EIF3M: variants seen among roughly 807,000 people sequenced by gnomAD.
EIF3M encodes eukaryotic translation initiation factor 3 subunit M, also known as B5 receptor.
A neutral mutation model predicts 49.7 loss-of-function variants in EIF3M; 25 were observed. The ratio of observed to expected loss-of-function variants is 0.50; its 90% CI spans 0.37 to 0.70. The LOEUF (loss-of-function observed/expected upper bound fraction) is 0.70. EIF3M is among the 30% of genes least tolerant of loss of function. EIF3M has a pLI of 0.00. For synonymous variants in EIF3M, 156 were observed against 149.8 expected (o/e 1.04, Z -0.30); for missense variants, 350 against 440.0 (o/e 0.80, Z 1.83).
chr11:32,592,509 C>G, intron 5 of EIF3M: 1 of 525,488 alleles, frequency 1.9e-6, no homozygotes, highest in Non-Finnish European at 3.7e-6. Context: ...TCTCTAGAAA[C>G]AGCTGTCTTT....
rs1483055831 is a variant in EIF3M at position 32,600,790 on chromosome 11, C to A, written c.901C>A (p.Leu301Ile). ...TTCTTTTGACACAATGCAGCAAGAA[C>A]TTCAGATTGGAGCTGATGATGTTGA... ...EISFDTMQQE[L>I]QIGADDVEAF... Residue 301 changes from leucine to isoleucine, a missense_variant, in exon 9 of 11, where the codon CTT (leucine) becomes ATT (isoleucine). Physicochemically the swap from Leu to Ile is conservative, Grantham distance 5. Transcript: ENST00000531120. The A allele has an allele frequency of 1.2e-6, 2 of 1,610,966 alleles. No individual in the cohort carries two copies. The highest frequency in any genetic ancestry group is 2.2e-5 in the South Asian group (2 of 90,646).
chr11:32,601,747 AAC>A lies in EIF3M; in HGVS notation c.944-13_944-12del. 1 of 1,609,366 alleles carries A rather than the reference AAC, an allele frequency of 6.2e-7. No individual in the cohort carries two copies. Among genetic ancestry groups the A allele is most frequent in the Non-Finnish European group, 8.5e-7 (1 of 1,178,346 alleles). ...ATTTTCCATATAACATACGATATAA[AAC>A]ATCTTTTTTCAGCCGTAAGAACTAA... On this transcript the variant is annotated splice_polypyrimidine_tract_variant and intron_variant, in intron 9 of 10. Coordinates refer to ENST00000531120, the MANE Select transcript of EIF3M (RefSeq NM_006360.6).
rs1855348433 is a variant in EIF3M, at chr11:32,606,136, C to T, written c.*3737C>T. On this transcript the variant is annotated 3_prime_UTR_variant, in exon 11 of 11. Transcript: ENST00000531120. ...AAAACAAGAATGAAAAACATACCAT[C>T]TTTTCAAGTTACTTTGGACCCATAG... is the stretch of plus-strand genomic sequence containing the variant. 1 of 152,182 alleles carries T rather than the reference C, an allele frequency of 6.6e-6. No homozygotes were observed. The highest frequency in any genetic ancestry group is 2.1e-4 in the South Asian group (1 of 4,828). The allele number at this position is 152,182 out of a possible 1,614,324, so 9.4% of individuals were successfully genotyped here. A position where few individuals can be genotyped will look rare whatever the true frequency, so the allele number is the denominator to read the frequency against.
intron 5 of EIF3M, 86 bp from the exon 6 acceptor site, chr11:32,593,780 C>A: frequency 1.1e-6 from 1 of 887,176 alleles, no homozygotes; most frequent in Non-Finnish European, 1.6e-6. Context: ...ATAATGTCAT[C>A]AGCACAGTAC....
chr11:32,602,252 C>A (rs549328943), intron 10 of EIF3M, 27 bp from the exon 11 acceptor site: 46 of 1,601,964 alleles, frequency 2.9e-5, no homozygotes, highest in East Asian at 2.0e-4. Flanking sequence ...GGTTGACTAA[C>A]ACTGTGTTTA....
Position 32,583,860 on chromosome 11 carries a change from G to GA in EIF3M, c.-27dup. 1 of 1,610,878 alleles carries GA rather than the reference G, an allele frequency of 6.2e-7. No individual in the cohort carries two copies. Among genetic ancestry groups the GA allele is most frequent in the Non-Finnish European group, 8.5e-7 (1 of 1,177,984 alleles). ...TCCGGTCGGCGTGGTCTTGCGAGTG[G>GA]AGTGTCCGCTGTGCCCGGGCCTGCA... On this transcript the variant is annotated 5_prime_UTR_variant, in exon 1 of 11. Transcript: ENST00000531120.
intron 1 of EIF3M, among the ~76,000 whole-genome samples, chr11:32,585,857 C>A (rs1449122865): frequency 6.7e-6 from 1 of 148,568 alleles, no homozygotes; most frequent in South Asian, 2.1e-4. Flanking sequence ...TTTTTTTTGG[C>A]TTGGTCTAGA....
At chr11:32,587,207 A>G in intron 2 of EIF3M, 63 bp downstream of exon 2, 1 of 1,473,456 alleles carries the variant, frequency 6.8e-7, no homozygotes. Flanking sequence ...CTTGTGAATT[A>G]TAGAGTCGTC....
intron 8 of EIF3M, among the ~76,000 whole-genome samples, chr11:32,598,191 AT>A (rs1256934301): frequency 6.6e-6 from 1 of 152,144 alleles, no homozygotes; most frequent in Non-Finnish European, 1.5e-5. Context: ...ACACTCCCCC[AT>A]TGATGTGTAA....
intron 5 of EIF3M, chr11:32,592,473 G>A (rs1410047510): frequency 1.9e-6 from 1 of 529,416 alleles, no homozygotes; most frequent in Non-Finnish European, 3.7e-6. Context: ...TTCACTGTTG[G>A]ATGGGCACTG....
chr11:32,589,693 T>C, intron 5 of EIF3M, 52 bp downstream of exon 5: 1 of 1,539,876 alleles, frequency 6.5e-7, no homozygotes, highest in Non-Finnish European at 8.9e-7. Flanking sequence ...TATAAGTAGG[T>C]GGGGATGTTT....
intron 9 of EIF3M, chr11:32,601,504 A>T (rs906056533): frequency 0.033 from 1,429 of 43,630 alleles, 19 homozygotes; most frequent in African/African-American, 0.2. Flanking sequence ...CATTCTTTAA[A>T]AAAAAAAAAA....
In EIF3M at chr11:32,589,095, C is replaced by T; in HGVS notation, c.398C>T (p.Ser133Phe). ...TGCAGCCTTATTAAAGTGGCAGCAT[C>T]TTGTGGGGCCATCCAGTACATCCCA... ...VYCSLIKVAA[S>F]CGAIQYIPTE... The change falls in exon 4 of 11, where the codon TCT becomes TTT. Residue 133 changes from serine (S) to phenylalanine (F), a missense_variant. Coordinates refer to ENST00000531120, the MANE Select transcript of EIF3M (RefSeq NM_006360.6). 6.2e-7 allele frequency: 1 copy of T among 1,614,158 alleles called. No individual in the cohort carries two copies.
rs1028482777 is a variant in EIF3M, at chr11:32,602,073, A to G, written c.1005-206A>G. 18 of 929,360 alleles carry G rather than the reference A, an allele frequency of 1.9e-5. No individual in the cohort carries two copies. The Admixed American group carries it at 2.5e-4, about 13-fold the overall frequency. The allele number at this position is 929,360 out of a possible 1,614,324, so 57.6% of individuals were successfully genotyped here. A position where few individuals can be genotyped will look rare whatever the true frequency, so the allele number is the denominator to read the frequency against. On this transcript the variant is annotated intron_variant, in intron 10 of 10. Coordinates refer to ENST00000531120, the MANE Select transcript of EIF3M (RefSeq NM_006360.6). ...TACTAATGACTTTTATGTCTGCTTT[A>G]TATAGTTGCTCAGGAGAATTAGAAG... is the stretch of plus-strand genomic sequence containing the variant.
chr11:32,584,099 A>T (rs1020134355), intron 1 of EIF3M, 170 bp downstream of exon 1: 23 of 833,352 alleles, frequency 2.8e-5, no homozygotes, highest in Non-Finnish European at 3.8e-5. Flanking sequence ...CTCGATTCGC[A>T]CCAGCTCGCC....
intron 2 of EIF3M, among the ~76,000 whole-genome samples, chr11:32,587,797 G>A (rs955618517): frequency 6.6e-6 from 1 of 152,100 alleles, no homozygotes; most frequent in Non-Finnish European, 1.5e-5. Context: ...GTTGAGTTCG[G>A]AAATCTCTAG....
rs1005833899 is a variant in EIF3M, at chr11:32,605,019, A to G, written c.*2620A>G. ...AGGCACCCACCACGATGCCCAGCTA[A>G]TTTTTTGTATTTTTAGTAGAGACAG... On this transcript the variant is annotated 3_prime_UTR_variant, in exon 11 of 11. Transcript: ENST00000531120. 3 of 151,810 alleles carry G rather than the reference A, an allele frequency of 2.0e-5. No individual in the cohort carries two copies. The highest frequency in any genetic ancestry group is 7.3e-5 in the African/African-American group (3 of 41,282). 9.4% of individuals were successfully genotyped at this position (151,810 alleles called of 1,614,324 possible).
rs1320743381 is a variant in EIF3M at position 32,589,155 on chromosome 11, A to G, written c.438+20A>G. The G allele has an allele frequency of 1.2e-6, 2 of 1,607,890 alleles. No homozygotes were observed. Among genetic ancestry groups the G allele is most frequent in the South Asian group, 2.2e-5 (2 of 89,418 alleles). The stretch of plus-strand genomic sequence containing the variant: ...GATCAAGTGAGTTACTGTGTGGAAT[A>G]GTTGTTCTGCTTATAAGAAATGTAC... On this transcript the variant is annotated intron_variant, in intron 4 of 10. Coordinates refer to ENST00000531120, the MANE Select transcript of EIF3M (RefSeq NM_006360.6).
intron 8 of EIF3M, among the ~76,000 whole-genome samples, chr11:32,600,470 C>T (rs1423677852): frequency 6.6e-6 from 1 of 151,820 alleles, no homozygotes; most frequent in African/African-American, 2.4e-5. Context: ...AATCTATCAC[C>T]TATGGTACTA....
Sources: allele counts gnomAD v4.1 joint callset (sites outside exome capture counted in the v4.1 genomes callset), GRCh38; gene constraint gnomAD v4.1.1; transcripts MANE v1.5; gene names NCBI Gene and HGNC (gene_info 2026-07-23, HGNC 2026-07-21).